COQ9: variants seen among roughly 807,000 people sequenced by gnomAD.
The protein encoded by COQ9 is ubiquinone biosynthesis protein COQ9, mitochondrial.
A neutral mutation model predicts 42.4 loss-of-function variants in COQ9; 35 were observed. The ratio of observed to expected loss-of-function variants is 0.83; its 90% CI spans 0.63 to 1.10. The LOEUF is 1.10. Among genes scored for constraint, COQ9 ranks in the 50% least tolerant of loss-of-function variants. COQ9 has a pLI of 0.00. For missense variants in COQ9, 406 were observed against 414.6 expected (o/e 0.98, Z 0.18); for synonymous variants, 155 against 155.1 (o/e 1.00, Z 0.00).
chr16:57,452,145 T>C (rs796160234), intron 2 of COQ9, among the ~76,000 whole-genome samples: 4 of 152,344 alleles, frequency 2.6e-5, no homozygotes, highest in African/African-American at 9.6e-5. Context: ...CTGTGAGTAA[T>C]ATAGCATTAC....
chr16:57,457,086 C>CAGGG (rs1567580137), intron 5 of COQ9, 71 bp downstream of exon 5: 1 of 1,185,756 alleles, frequency 8.4e-7, no homozygotes, highest in Admixed American at 1.8e-5. Flanking sequence ...ACCTTTCACT[C>CAGGG]AGATGACTTT....
At chr16:57,455,059 C>T (rs1279880790) in intron 3 of COQ9, among the ~76,000 whole-genome samples, 2 of 152,126 alleles carry the variant, frequency 1.3e-5, no homozygotes, top group African/African-American at 4.8e-5. Context: ...GGGCTGCTGC[C>T]AGACATACAG....
At chr16:57,448,138 C>T (rs1213219242) in intron 1 of COQ9, among the ~76,000 whole-genome samples, 3 of 152,128 alleles carry the variant, frequency 2.0e-5, no homozygotes, top group Non-Finnish European at 4.4e-5. Context: ...AGAACGTATG[C>T]ATTAACACTT....
rs1197044406 is a variant in COQ9 at position 57,461,092 on chromosome 16, T to G, written c.*468T>G. The G allele has an allele frequency of 1.1e-5, 5 of 451,346 alleles. No homozygotes were observed. Among genetic ancestry groups the G allele is most frequent in the African/African-American group, 1.0e-4 (5 of 49,856 alleles). 28.0% of individuals were successfully genotyped at this position (451,346 alleles called of 1,614,324 possible). A position where few individuals can be genotyped will look rare whatever the true frequency, so the allele number is the denominator to read the frequency against. Reference sequence around the variant, plus strand: ...GAGGTGTTCCTTGCAGCCCCCTCCCTCTCAGGTGTCCTGAGATGCTGTTCC... The same window carrying G: ...GAGGTGTTCCTTGCAGCCCCCTCCCGCTCAGGTGTCCTGAGATGCTGTTCC... On this transcript the variant is annotated 3_prime_UTR_variant, in exon 9 of 9. Transcript: ENST00000262507.
At position 57,458,352 on chromosome 16, in the gene COQ9, T is replaced by G; in HGVS notation, c.711+2T>G. ...TACGCTGGGGACCAGTCCACTGATG[T>G]GAGTGCTTTCTGCAGGCCCACAGGA... On this transcript the variant is annotated splice_donor_variant, in intron 6 of 8. Coordinates refer to ENST00000262507, the MANE Select transcript of COQ9 (RefSeq NM_020312.4). LOFTEE classifies it high-confidence loss of function. 6.2e-7 allele frequency: 1 copy of G among 1,603,900 alleles called. No individual in the cohort carries two copies. The highest frequency in any genetic ancestry group is 2.2e-5 in the East Asian group (1 of 44,666).
intron 3 of COQ9, among the ~76,000 whole-genome samples, chr16:57,456,060 TAAAAAGA>T (rs1598038559): frequency 6.6e-6 from 1 of 150,416 alleles, no homozygotes; most frequent in Non-Finnish European, 1.5e-5. Context: ...AAAAAAAAAG[TAAAAAGA>T]AAAAAGAAAG....
At chr16:57,452,047 TC>T (rs2030301747) in intron 2 of COQ9, among the ~76,000 whole-genome samples, 1 of 152,258 alleles carries the variant, frequency 6.6e-6, no homozygotes, top group Non-Finnish European at 1.5e-5. Flanking sequence ...ATTAGCGTGT[TC>T]CTTTTCATTT....
chr16:57,459,324 C>T (rs1439719685), intron 6 of COQ9, among the ~76,000 whole-genome samples: 1 of 152,168 alleles, frequency 6.6e-6, no homozygotes, highest in East Asian at 1.9e-4. Context: ...TGATTCCTGG[C>T]ACTTTATTTA....
Position 57,447,564 on chromosome 16 carries a change from T to C in COQ9, c.59T>C (p.Leu20Pro), listed in dbSNP as rs748093482. 7.8e-7 allele frequency: 1 copy of C among 1,284,328 alleles called. No homozygotes were observed. The highest frequency in any genetic ancestry group is 9.9e-7 in the Non-Finnish European group (1 of 1,011,352). The allele number at this position is 1,284,328 out of a possible 1,614,324, so 79.6% of individuals were successfully genotyped here. ...CGGGCGGGCTGGAGGCTCCTGCAGCTGCGATGCCTGCCCGGTGAGGGGGCT... is the reference window on the plus strand; with the variant it reads ...CGGGCGGGCTGGAGGCTCCTGCAGCCGCGATGCCTGCCCGGTGAGGGGGCT... ...LGRAGWRLLQLRCLPVARCRQ... is the reference protein window; with the variant it reads ...LGRAGWRLLQPRCLPVARCRQ... The change falls in exon 1 of 9, where the codon CTG becomes CCG. Residue 20 changes from leucine (L) to proline (P), a missense_variant. Coordinates refer to ENST00000262507, the MANE Select transcript of COQ9 (RefSeq NM_020312.4).
At position 57,460,728 on chromosome 16, in the gene COQ9, A is replaced by G. The variant is rs1006894488; in HGVS notation, c.*104A>G. The G allele has an allele frequency of 1.8e-6, 2 of 1,105,394 alleles. No homozygotes were observed. The highest frequency in any genetic ancestry group is 2.7e-6 in the Non-Finnish European group (2 of 732,288). 68.5% of individuals were successfully genotyped at this position (1,105,394 alleles called of 1,614,324 possible). A position where few individuals can be genotyped will look rare whatever the true frequency, so the allele number is the denominator to read the frequency against. On this transcript the variant is annotated 3_prime_UTR_variant, in exon 9 of 9. Coordinates refer to ENST00000262507, the MANE Select transcript of COQ9 (RefSeq NM_020312.4). ...ATCCACATAACCTGGTGTTCACGAG[A>G]ACACACTAAAGGACTCCTGAGTCAC...
At position 57,451,025 on chromosome 16, in the gene COQ9, C is replaced by T; in HGVS notation, c.74-15C>T. The T allele has an allele frequency of 6.2e-7, 1 of 1,613,462 alleles. No individual in the cohort carries two copies. The highest frequency in any genetic ancestry group is 8.5e-7 in the Non-Finnish European group (1 of 1,179,928). ...TCTCTGTTGAATGTCCCTGACTGACCAGTTTCTGTTTCAGTGGCCCGTTGC... is the reference window on the plus strand; with the variant it reads ...TCTCTGTTGAATGTCCCTGACTGACTAGTTTCTGTTTCAGTGGCCCGTTGC... On this transcript the variant is annotated splice_polypyrimidine_tract_variant and intron_variant, in intron 1 of 8. Coordinates refer to ENST00000262507, the MANE Select transcript of COQ9 (RefSeq NM_020312.4).
chr16:57,458,938 TATAAC>T (rs1567580665), intron 6 of COQ9, among the ~76,000 whole-genome samples: 1 of 152,234 alleles, frequency 6.6e-6, no homozygotes, highest in Non-Finnish European at 1.5e-5. Flanking sequence ...CCACCATAGT[TATAAC>T]AAAGTGTTTT....
chr16:57,447,600 G>A, intron 1 of COQ9, 22 bp downstream of exon 1: 1 of 1,247,120 alleles, frequency 8.0e-7, no homozygotes, highest in Non-Finnish European at 1.0e-6. Flanking sequence ...GCCAAGCCGG[G>A]GAGAGGCGGG....
At chr16:57,458,081 C>G in intron 5 of COQ9, 165 bp from the exon 6 acceptor site, 1 of 668,322 alleles carries the variant, frequency 1.5e-6, no homozygotes, top group Non-Finnish European at 2.7e-6. Context: ...CAGCTGTAGT[C>G]AGCATTGCTA....
intron 3 of COQ9, chr16:57,454,101 G>A (rs1239312204): frequency 6.6e-6 from 1 of 152,176 alleles, no homozygotes; most frequent in Admixed American, 6.5e-5. Context: ...TCACAGCTGC[G>A]AGATTGACTG....
In COQ9 at chr16:57,451,228, T is replaced by C; in HGVS notation, c.242+20T>C. 2 of 1,613,786 alleles carry C rather than the reference T, an allele frequency of 1.2e-6. No individual in the cohort carries two copies. ...CCCCAGGTAGGCACCAATCCACCTA[T>C]TTCTGGCCACTTCATATGCTTCATT... On this transcript the variant is annotated intron_variant, in intron 2 of 8. Transcript: ENST00000262507.
Position 57,459,990 on chromosome 16 carries a change from C to T in COQ9, c.868-61C>T, listed in dbSNP as rs1170993407. 32 of 1,531,876 alleles carry T rather than the reference C, an allele frequency of 2.1e-5. No homozygotes were observed. The East Asian group carries it at 7.2e-4, about 34-fold the overall frequency. 94.9% of individuals were successfully genotyped at this position (1,531,876 alleles called of 1,614,324 possible). Reference sequence around the variant, plus strand: ...CTCATAGGCCTCCTGATTTGTCCTGCCTGTCTCAAGTTTAACTTTGTGTTG... The same window carrying T: ...CTCATAGGCCTCCTGATTTGTCCTGTCTGTCTCAAGTTTAACTTTGTGTTG... On this transcript the variant is annotated intron_variant, in intron 7 of 8. Transcript: ENST00000262507.
intron 2 of COQ9, among the ~76,000 whole-genome samples, chr16:57,452,135 C>T (rs72780628): frequency 0.027 from 4,106 of 152,282 alleles, 82 homozygotes; most frequent in South Asian, 0.085. Flanking sequence ...ATGCCAGGCC[C>T]TGTGAGTAAT....
intron 1 of COQ9, among the ~76,000 whole-genome samples, chr16:57,448,881 TTGTCTA>T (rs2030208168): frequency 2.0e-5 from 3 of 152,142 alleles, no homozygotes; most frequent in African/African-American, 7.2e-5. Context: ...AACAGTCCAG[TTGTCTA>T]GCAACAGAAT....
Sources: gnomAD v4.1 joint callset for allele counts (sites outside exome capture counted in the v4.1 genomes callset) on GRCh38, gnomAD v4.1.1 for gene constraint, MANE v1.5 for transcripts, NCBI Gene and HGNC (gene_info 2026-07-23, HGNC 2026-07-21) for gene names.